Variants in TRRAP observed in about 807,000 individuals in gnomAD.
The protein encoded by TRRAP is transformation/transcription domain associated protein.
A neutral mutation model predicts 438.8 loss-of-function variants in TRRAP; 41 were observed. The observed-to-expected ratio is 0.09, with a 90% CI of 0.07 to 0.12. The LOEUF (loss-of-function observed/expected upper bound fraction) is 0.12. Among genes scored for constraint, TRRAP ranks in the 10% least tolerant of loss-of-function variants. The pLI is 1.00. For synonymous variants in TRRAP, 1,994 were observed against 1,962.9 expected (o/e 1.02, Z -0.42); for missense variants, 3,122 against 5,055.1 (o/e 0.62, Z 11.60).
chr7:98,950,266 A>G lies in TRRAP; in HGVS notation c.5334+4A>G. On this transcript the variant is annotated splice_donor_region_variant and intron_variant, in intron 38 of 72. Coordinates refer to ENST00000456197, the MANE Select transcript of TRRAP (RefSeq NM_001375524.1). ...CGGAGATGAATTAAAAGCTAAAGTG[A>G]GTCCCACTCTTATGCTGTAGAAGGG... 6.2e-7 allele frequency: 1 copy of G among 1,614,214 alleles called. No individual in the cohort carries two copies. The highest frequency in any genetic ancestry group is 8.5e-7 in the Non-Finnish European group (1 of 1,180,034).
chr7:98,995,630 A>T (rs1334498533), intron 67 of TRRAP, among the ~76,000 whole-genome samples: 3 of 151,112 alleles, frequency 2.0e-5, no homozygotes, highest in Non-Finnish European at 4.4e-5. Flanking sequence ...TCAAACAGGG[A>T]TCCTCACCCC....
chr7:98,910,265 C>A lies in TRRAP; in HGVS notation c.1560C>A (p.Thr520=), dbSNP rs782774161. The change falls in exon 15 of 73, where the codon ACC becomes ACA. Residue 520 remains threonine, a synonymous_variant. Transcript: ENST00000456197. ...PPPPPPATPV[T]PAPVPPFEKQ... ...CACCCCCACCTGCCACCCCTGTGAC[C>A]CCGGCCCCCGTGCCTCCCTTCGAGA... The A allele has an allele frequency of 1.9e-6, 3 of 1,589,404 alleles. No individual in the cohort carries two copies. In the African/African-American group the frequency reaches 4.1e-5, roughly 22 times the overall value.
rs160387 is a variant in TRRAP at position 98,966,003 on chromosome 7, A to G, written c.7176+108A>G. On this transcript the variant is annotated intron_variant, in intron 49 of 72. Coordinates refer to ENST00000456197, the MANE Select transcript of TRRAP (RefSeq NM_001375524.1). ...GAAGCAAAACATTTTTTTCTGCTGTAATTGCACTCACAGCATCTTTTCTTA... is the reference window on the plus strand; with the variant it reads ...GAAGCAAAACATTTTTTTCTGCTGTGATTGCACTCACAGCATCTTTTCTTA... 46,974 of 1,239,044 alleles carry G rather than the reference A, an allele frequency of 0.038. 9,186 individuals carry two copies. In the African/African-American group the frequency reaches 0.51, roughly 13 times the overall value. 76.8% of individuals were successfully genotyped at this position (1,239,044 alleles called of 1,614,324 possible). A position where few individuals can be genotyped will look rare whatever the true frequency, so the allele number is the denominator to read the frequency against.
At position 99,003,459 on chromosome 7, in the gene TRRAP, C is replaced by CA. The variant is rs1014297889; in HGVS notation, c.10310-730dup. ...TAGGGCTCCGTGTGACACTTGTGCT[C>CA]AGAGGCGGGGTTGCCGTTGGATGCT... On this transcript the variant is annotated intron_variant, in intron 67 of 72. Transcript: ENST00000456197. Among the ~76,000 whole-genome samples, 4 of 152,184 alleles carry CA rather than the reference C, an allele frequency of 2.6e-5. 1 individual carries two copies. In the South Asian group the frequency reaches 6.2e-4, roughly 24 times the overall value.
Position 98,962,778 on chromosome 7 carries a change from G to A in TRRAP, c.6829+351G>A, listed in dbSNP as rs533516123. ...TGCCTTTCACCACCAGCCTGCCTGT[G>A]AGTCAGCCACTCACAAGATGAGAAC... is the stretch of plus-strand genomic sequence containing the variant. On this transcript the variant is annotated intron_variant, in intron 47 of 72. Coordinates refer to ENST00000456197, the MANE Select transcript of TRRAP (RefSeq NM_001375524.1). 5.1e-4 allele frequency among the ~76,000 whole-genome samples: 78 copies of A among 152,320 alleles called. 1 individual carries two copies. The highest frequency in any genetic ancestry group is 1.8e-3 in the African/African-American group (74 of 41,578).
intron 26 of TRRAP, among the ~76,000 whole-genome samples, chr7:98,932,147 G>A (rs1188401668): frequency 2.0e-5 from 3 of 151,258 alleles, no homozygotes; most frequent in African/African-American, 4.9e-5. Flanking sequence ...ACAGAGTCTC[G>A]CTGTTGCTCA....
At position 98,925,006 on chromosome 7, in the gene TRRAP, A is replaced by C; in HGVS notation, c.2824-106A>C. The C allele has an allele frequency of 2.6e-6, 3 of 1,147,854 alleles. No homozygotes were observed. The South Asian group carries it at 6.3e-5, about 24-fold the overall frequency. The allele number at this position is 1,147,854 out of a possible 1,614,324, so 71.1% of individuals were successfully genotyped here. A position where few individuals can be genotyped will look rare whatever the true frequency, so the allele number is the denominator to read the frequency against. On this transcript the variant is annotated intron_variant, in intron 21 of 72. Transcript: ENST00000456197. Reference sequence around the variant, plus strand: ...GGCGACAGAGCGAGACTCCGTCTCAAAAAAAAAAAAAGATTCTTCTGGGTG... The same window carrying C: ...GGCGACAGAGCGAGACTCCGTCTCACAAAAAAAAAAAGATTCTTCTGGGTG...
At chr7:99,010,385 A>AACTG (rs1188872902) in intron 70 of TRRAP, among the ~76,000 whole-genome samples, 1 of 152,198 alleles carries the variant, frequency 6.6e-6, no homozygotes, top group Non-Finnish European at 1.5e-5. Flanking sequence ...GAAACAAACA[A>AACTG]ACTGCATGTG....
chr7:98,898,543 G>A (rs1796328481), intron 8 of TRRAP, among the ~76,000 whole-genome samples: 1 of 152,164 alleles, frequency 6.6e-6, no homozygotes, highest in African/African-American at 2.4e-5. Flanking sequence ...TTTGAGTAAC[G>A]CTTTCCTCCT....
At chr7:98,897,981 G>T (rs1796299732) in intron 8 of TRRAP, 115 bp downstream of exon 8, 1 of 1,504,640 alleles carries the variant, frequency 6.6e-7, no homozygotes, top group Non-Finnish European at 9.1e-7. Flanking sequence ...AAACGTGTGT[G>T]CCTGGCAAAG....
rs1452036121 is a variant in TRRAP, at chr7:98,994,255, G to C, written c.10048-332G>C. Reference sequence around the variant, plus strand: ...GTGTGTGCACAGTGCACGCAGACACGCGGTGGGAACAGTACAGCTGCCTGA... The same window carrying C: ...GTGTGTGCACAGTGCACGCAGACACCCGGTGGGAACAGTACAGCTGCCTGA... On this transcript the variant is annotated intron_variant, in intron 66 of 72. Transcript: ENST00000456197. This position sits in a 1 kb window ranked among gnomAD's most constrained non-coding sequence, Gnocchi z 4.8. Among the ~76,000 whole-genome samples, 2 of 152,216 alleles carry C rather than the reference G, an allele frequency of 1.3e-5. No homozygotes were observed. The highest frequency in any genetic ancestry group is 2.9e-5 in the Non-Finnish European group (2 of 68,036).
intron 47 of TRRAP, among the ~76,000 whole-genome samples, chr7:98,963,467 C>T (rs976277205): frequency 1.1e-4 from 16 of 152,288 alleles, no homozygotes; most frequent in Middle Eastern, 3.4e-3. Context: ...GGCCCTGCCT[C>T]CCTCCTCTGT....
At chr7:98,926,730 G>C (rs1043130750) in intron 22 of TRRAP, among the ~76,000 whole-genome samples, 6 of 152,012 alleles carry the variant, frequency 3.9e-5, no homozygotes. Flanking sequence ...GAAACTTACA[G>C]CCTGAAAAAA....
In TRRAP at chr7:98,959,936, T is replaced by TG. The variant is rs1483906654; in HGVS notation, c.6489+446_6489+447insG. 2.1e-3 allele frequency among the ~76,000 whole-genome samples: 239 copies of TG among 112,654 alleles called. 3 individuals are homozygous for TG. Among genetic ancestry groups the TG allele is most frequent in the African/African-American group, 8.6e-3 (223 of 26,050 alleles). The allele number at this position is 112,654 out of a possible 152,430, so 73.9% of individuals were successfully genotyped here. A position where few individuals can be genotyped will look rare whatever the true frequency, so the allele number is the denominator to read the frequency against. On this transcript the variant is annotated intron_variant, in intron 45 of 72. Coordinates refer to ENST00000456197, the MANE Select transcript of TRRAP (RefSeq NM_001375524.1). ...ACAGAGCAAGCAAGACCTGGTCTCT[T>TG]AAAAAAAAAAAAAAAAAAGAAAAAG...
rs1201937921 is a variant in TRRAP at position 98,883,656 on chromosome 7, G to A, written c.150+1632G>A. ...AGCCTGTTAAGTAGCTGGGACTACAGGCATGCACTACCACGCCTGGCTAAT... is the reference window on the plus strand; with the variant it reads ...AGCCTGTTAAGTAGCTGGGACTACAAGCATGCACTACCACGCCTGGCTAAT... On this transcript the variant is annotated intron_variant, in intron 3 of 72. Coordinates refer to ENST00000456197, the MANE Select transcript of TRRAP (RefSeq NM_001375524.1). Among the ~76,000 whole-genome samples the A allele has an allele frequency of 4.6e-5, 7 of 152,136 alleles. No homozygotes were observed. The East Asian group carries it at 7.7e-4, about 17-fold the overall frequency.
At chr7:98,939,974 C>T (rs1478276330) in intron 30 of TRRAP, among the ~76,000 whole-genome samples, 4 of 152,100 alleles carry the variant, frequency 2.6e-5, no homozygotes, top group East Asian at 3.9e-4. Flanking sequence ...CTCTGCCTCC[C>T]GGGTTCAAGT....
intron 12 of TRRAP, among the ~76,000 whole-genome samples, chr7:98,903,759 A>T (rs1796580008): frequency 6.6e-6 from 1 of 152,174 alleles, no homozygotes; most frequent in Non-Finnish European, 1.5e-5. Flanking sequence ...AAGAGGTTTT[A>T]TGGACTTACA....
intron 62 of TRRAP, among the ~76,000 whole-genome samples, chr7:98,985,464 C>T (rs888678558): frequency 6.6e-6 from 1 of 152,252 alleles, no homozygotes; most frequent in African/African-American, 2.4e-5. Flanking sequence ...CATCCCTCCC[C>T]ACTGATGTTG....
At chr7:98,931,979 A>G (rs368977346) in intron 26 of TRRAP, among the ~76,000 whole-genome samples, 9 of 151,366 alleles carry the variant, frequency 5.9e-5, no homozygotes, top group South Asian at 2.1e-4. Flanking sequence ...CTGGAGTGCA[A>G]TCCTAGCTCA....
Sources: allele counts gnomAD v4.1 joint callset (sites outside exome capture counted in the v4.1 genomes callset), GRCh38; gene constraint gnomAD v4.1.1; non-coding constraint Gnocchi (gnomAD v3.1); transcripts MANE v1.5; gene names NCBI Gene and HGNC (gene_info 2026-07-23, HGNC 2026-07-21).